The following MGMT variants were observed in gnomAD, a reference collection of about 807,000 sequenced individuals.
MGMT encodes methylated-DNA--protein-cysteine methyltransferase.
A neutral mutation model predicts 15.9 loss-of-function variants in MGMT; 14 were observed. The ratio of observed to expected loss-of-function variants is 0.88; its 90% CI spans 0.58 to 1.37. The LOEUF (loss-of-function observed/expected upper bound fraction) is 1.37, where lower values mean the gene tolerates loss of function less well. Ranked by LOEUF, MGMT falls within the 40% of genes most tolerant of loss-of-function variation. The pLI, the probability that MGMT is intolerant of heterozygous loss-of-function variation, is 0.00. For synonymous variants in MGMT, 130 were observed against 118.2 expected, an observed-to-expected ratio of 1.10 and a Z score of -0.65; for missense variants, 282 against 268.1, an observed-to-expected ratio of 1.05 and a Z score of -0.36.
intron 3 of MGMT, among the ~76,000 whole-genome samples, chr10:129,714,577 T>C (rs1036172792): frequency 2.0e-5 from 3 of 152,184 alleles, no homozygotes; most frequent in Non-Finnish European, 4.4e-5. Flanking sequence ...CTCCTCAAGA[T>C]ACACTAAAAC....
intron 2 of MGMT, among the ~76,000 whole-genome samples, chr10:129,565,644 C>T (rs945764540): frequency 6.6e-6 from 1 of 152,096 alleles, no homozygotes; most frequent in African/African-American, 2.4e-5. Context: ...TAACAGGAGC[C>T]GCGTGAAAGT....
At chr10:129,665,256 C>G in intron 2 of MGMT, among the ~76,000 whole-genome samples, 1 of 139,712 alleles carries the variant, frequency 7.2e-6, no homozygotes, top group Admixed American at 7.3e-5. Context: ...ACCCCCACAC[C>G]CGCTCACCCA....
At chr10:129,540,958 G>A (rs1846036305) in intron 2 of MGMT, among the ~76,000 whole-genome samples, 1 of 152,244 alleles carries the variant, frequency 6.6e-6, no homozygotes, top group African/African-American at 2.4e-5. Context: ...GCTGGGATTT[G>A]GGGCAGCATC....
intron 2 of MGMT, among the ~76,000 whole-genome samples, chr10:129,584,774 G>C (rs559085772): frequency 6.6e-6 from 1 of 152,252 alleles, no homozygotes; most frequent in South Asian, 2.1e-4. Flanking sequence ...TTCCCTTCGT[G>C]TGGTGTTTTC....
intron 2 of MGMT, among the ~76,000 whole-genome samples, chr10:129,546,408 A>T (rs1224009668): frequency 6.6e-6 from 1 of 152,152 alleles, no homozygotes; most frequent in Non-Finnish European, 1.5e-5. Flanking sequence ...TGCTGACAGG[A>T]TGTAGGGGCA....
At chr10:129,708,853 GA>G (rs1848198488) in intron 3 of MGMT, among the ~76,000 whole-genome samples, 1 of 152,180 alleles carries the variant, frequency 6.6e-6, no homozygotes, top group South Asian at 2.1e-4. Context: ...AAGCAATTTT[GA>G]ATTTCAGATC....
intron 3 of MGMT, among the ~76,000 whole-genome samples, chr10:129,720,426 C>G (rs1848356460): frequency 6.6e-6 from 1 of 152,212 alleles, no homozygotes. Context: ...TGGGGGCCCA[C>G]AGGGTCACTC....
chr10:129,637,370 C>T (rs751367311), intron 2 of MGMT, among the ~76,000 whole-genome samples: 1 of 152,158 alleles, frequency 6.6e-6, no homozygotes, highest in South Asian at 2.1e-4. Flanking sequence ...ATTCCTACAT[C>T]CAGAGTAATG....
intron 1 of MGMT, among the ~76,000 whole-genome samples, chr10:129,534,859 C>G (rs963979370): frequency 1.3e-5 from 2 of 152,008 alleles, no homozygotes; most frequent in Non-Finnish European, 2.9e-5. Flanking sequence ...GTAGAGGGTT[C>G]CAGGGGTCCG....
Position 129,467,284 on chromosome 10 carries a change from C to T in MGMT, c.-25C>T, listed in dbSNP as rs1334064777. On this transcript the variant is annotated 5_prime_UTR_variant, in exon 1 of 5. Transcript: ENST00000651593. ...GCCCGCAGGTCCTCGCGGTGCGCAC[C>T]GTTTGCGACTTGGTGAGTGTCTGGG... The T allele has an allele frequency of 1.3e-6, 2 of 1,543,402 alleles. No individual in the cohort carries two copies. The highest frequency in any genetic ancestry group is 1.4e-5 in the African/African-American group (1 of 72,314).
At chr10:129,639,733 G>C (rs1036473931) in intron 2 of MGMT, among the ~76,000 whole-genome samples, 2 of 151,940 alleles carry the variant, frequency 1.3e-5, no homozygotes, top group African/African-American at 2.4e-5. Context: ...AATAGCAAAA[G>C]GTCTCAAAAC....
At chr10:129,585,431 C>T (rs543860281) in intron 2 of MGMT, among the ~76,000 whole-genome samples, 5 of 152,272 alleles carry the variant, frequency 3.3e-5, no homozygotes, top group East Asian at 1.9e-4. Context: ...TGCTGGAAAC[C>T]GTAGAAGGCA....
At chr10:129,555,530 G>C (rs1846203317) in intron 2 of MGMT, among the ~76,000 whole-genome samples, 1 of 151,974 alleles carries the variant, frequency 6.6e-6, no homozygotes, top group African/African-American at 2.4e-5. Context: ...GGGCAACATA[G>C]ATTCTGTCTC....
intron 2 of MGMT, among the ~76,000 whole-genome samples, chr10:129,643,774 A>G (rs897733613): frequency 7.2e-5 from 11 of 152,176 alleles, no homozygotes; most frequent in African/African-American, 2.7e-4. Context: ...TAACAACCCA[A>G]CGTGAATTTT....
chr10:129,731,229 CTTAAA>C (rs67564117), intron 3 of MGMT, among the ~76,000 whole-genome samples: 143,604 of 152,106 alleles, frequency 0.94, 67,883 homozygotes, highest in East Asian at 1. Flanking sequence ...TCAGAGTGGG[CTTAAA>C]TTAACCCTTC....
chr10:129,720,309 G>A (rs55779472), intron 3 of MGMT, among the ~76,000 whole-genome samples: 1,883 of 152,336 alleles, frequency 0.012, 41 homozygotes, highest in African/African-American at 0.043. Context: ...TTCAAAGCGT[G>A]TGCCCATGTA....
chr10:129,539,667 C>T (rs966030778), intron 2 of MGMT, among the ~76,000 whole-genome samples: 4 of 152,196 alleles, frequency 2.6e-5, no homozygotes, highest in South Asian at 2.1e-4. Flanking sequence ...CTGCCACGCC[C>T]GGCTAAATTT....
At chr10:129,604,656 T>G (rs2133063845) in intron 2 of MGMT, among the ~76,000 whole-genome samples, 1 of 152,074 alleles carries the variant, frequency 6.6e-6, no homozygotes, top group African/African-American at 2.4e-5. Flanking sequence ...TGGCTCTGTC[T>G]TGGGAGTTGG....
intron 2 of MGMT, among the ~76,000 whole-genome samples, chr10:129,558,869 C>G (rs139876891): frequency 6.6e-6 from 1 of 152,180 alleles, no homozygotes; most frequent in Non-Finnish European, 1.5e-5. Context: ...TTTTCCATTT[C>G]GATCTCAGAT....
Sources: gnomAD v4.1 joint callset for allele counts (sites outside exome capture counted in the v4.1 genomes callset) on GRCh38, gnomAD v4.1.1 for gene constraint, MANE v1.5 for transcripts, NCBI Gene and HGNC (gene_info 2026-07-23, HGNC 2026-07-21) for gene names.